Variants in CMTM8 observed in about 807,000 individuals in gnomAD.
CMTM8 encodes CKLF like MARVEL transmembrane domain containing 8.
Under a neutral mutation model 18.6 loss-of-function variants are expected in CMTM8, and 12 were observed. The observed-to-expected ratio is 0.65, with a 90% CI of 0.41 to 1.05. The LOEUF (loss-of-function observed/expected upper bound fraction) is 1.05. Among genes scored for constraint, CMTM8 ranks in the 50% least tolerant of loss-of-function variants. The pLI is 0.00. For synonymous variants in CMTM8, 87 were observed against 90.6 expected (o/e 0.96, Z 0.23); for missense variants, 217 against 227.2 (o/e 0.95, Z 0.29).
chr3:32,318,380 T>G (rs1016014757), intron 1 of CMTM8, among the ~76,000 whole-genome samples: 1 of 151,972 alleles, frequency 6.6e-6, no homozygotes, highest in African/African-American at 2.4e-5. Context: ...CAACCCACCC[T>G]TCCTCCTCTC....
intron 1 of CMTM8, among the ~76,000 whole-genome samples, chr3:32,353,074 A>T (rs899993134): frequency 6.6e-6 from 1 of 152,010 alleles, no homozygotes; most frequent in Non-Finnish European, 1.5e-5. Flanking sequence ...GCTCACTGCA[A>T]CCTCCACTTT....
chr3:32,346,449 T>C (rs754042628), intron 1 of CMTM8, among the ~76,000 whole-genome samples: 1 of 152,192 alleles, frequency 6.6e-6, no homozygotes, highest in African/African-American at 2.4e-5. Flanking sequence ...ACAACAGGAA[T>C]TTATTTCTCA....
chr3:32,328,370 C>CA (rs796201249), intron 1 of CMTM8, among the ~76,000 whole-genome samples: 4,493 of 74,370 alleles, frequency 0.06, 186 homozygotes, highest in Middle Eastern at 0.081. Flanking sequence ...ACCCTGTCTC[C>CA]AAAAAAAAAA....
intron 1 of CMTM8, among the ~76,000 whole-genome samples, chr3:32,240,537 G>A (rs1304079154): frequency 6.6e-6 from 1 of 152,142 alleles, no homozygotes; most frequent in Admixed American, 6.5e-5. Context: ...GAAGTATAAC[G>A]CCTTTGGGTT....
chr3:32,259,052 G>T, intron 1 of CMTM8: 1 of 362,450 alleles, frequency 2.8e-6, no homozygotes, highest in East Asian at 6.9e-5. Context: ...CATCTATGCA[G>T]GCGCCGGAGG....
intron 1 of CMTM8, among the ~76,000 whole-genome samples, chr3:32,326,455 C>T (rs1203483836): frequency 6.6e-6 from 1 of 152,034 alleles, no homozygotes; most frequent in East Asian, 1.9e-4. Context: ...TGCCAAATCC[C>T]AGCCTCATCC....
At chr3:32,360,616 A>C (rs1696904281) in intron 2 of CMTM8, among the ~76,000 whole-genome samples, 1 of 152,262 alleles carries the variant, frequency 6.6e-6, no homozygotes, top group Non-Finnish European at 1.5e-5. Context: ...TTCAGATGCC[A>C]GCCCAACTGT....
rs190023405 is a variant in CMTM8 at position 32,358,758 on chromosome 3, A to C, written c.321+1212A>C. Among the ~76,000 whole-genome samples, 1 of 152,354 alleles carries C rather than the reference A, an allele frequency of 6.6e-6. No homozygotes were observed. Among genetic ancestry groups the C allele is most frequent in the African/African-American group, 2.4e-5 (1 of 41,586 alleles). On this transcript the variant is annotated intron_variant, in intron 2 of 3. Coordinates refer to ENST00000307526, the MANE Select transcript of CMTM8 (RefSeq NM_178868.5). This position sits in a 1 kb window ranked among gnomAD's most constrained non-coding sequence, Gnocchi z 4.1. ...TTTTCAAGAAAGCGTTGCAAGTTTG[A>C]AAAGTAATTCCAAATAAGGTGCTTA...
chr3:32,261,735 A>G (rs1472947582), intron 1 of CMTM8, among the ~76,000 whole-genome samples: 1 of 152,170 alleles, frequency 6.6e-6, no homozygotes, highest in East Asian at 1.9e-4. Context: ...GATTTGAGGA[A>G]ACAGTTCTTA....
chr3:32,338,568 A>G (rs1006078001), intron 1 of CMTM8, among the ~76,000 whole-genome samples: 6 of 152,218 alleles, frequency 3.9e-5, no homozygotes, highest in African/African-American at 1.4e-4. Flanking sequence ...CATCTTGTGA[A>G]GGTACAAACC....
At chr3:32,241,017 G>C (rs958589741) in intron 1 of CMTM8, among the ~76,000 whole-genome samples, 1 of 152,078 alleles carries the variant, frequency 6.6e-6, no homozygotes, top group Admixed American at 6.5e-5. Context: ...GAAACTCCTA[G>C]GCTCAAGCAA....
intron 1 of CMTM8, among the ~76,000 whole-genome samples, chr3:32,352,008 T>C (rs140457720): frequency 0.081 from 12,273 of 151,480 alleles, 595 homozygotes; most frequent in East Asian, 0.18. Flanking sequence ...GAAACCCCGT[T>C]TATACTAAAA....
chr3:32,260,098 C>T (rs527926940), intron 1 of CMTM8: 39 of 1,051,594 alleles, frequency 3.7e-5, no homozygotes, highest in South Asian at 5.1e-5. Context: ...TGGAAGATGG[C>T]GAGGACTTCA....
Position 32,293,692 on chromosome 3 carries a change from A to G in CMTM8, c.147+54573A>G, listed in dbSNP as rs554143066. Among the ~76,000 whole-genome samples, 9 of 148,502 alleles carry G rather than the reference A, an allele frequency of 6.1e-5. No individual in the cohort carries two copies. In the East Asian group the frequency reaches 1.5e-3, roughly 26 times the overall value. The stretch of plus-strand genomic sequence containing the variant: ...GAAACCTCGTCTCTACTAAAAATAC[A>G]AAAATTAGCCAGGTGTAGTGGCACA... On this transcript the variant is annotated intron_variant, in intron 1 of 3. Coordinates refer to ENST00000307526, the MANE Select transcript of CMTM8 (RefSeq NM_178868.5).
At chr3:32,303,475 T>C (rs879422176) in intron 1 of CMTM8, among the ~76,000 whole-genome samples, 9 of 152,242 alleles carry the variant, frequency 5.9e-5, no homozygotes, top group Non-Finnish European at 1.0e-4. Context: ...TTTTATCTTA[T>C]GCCTCCAAAC....
chr3:32,340,962 CTG>C (rs886338011), intron 1 of CMTM8, among the ~76,000 whole-genome samples: 3 of 152,232 alleles, frequency 2.0e-5, no homozygotes, highest in Non-Finnish European at 4.4e-5. Context: ...GTGTCAAACT[CTG>C]TAATATATCA....
At chr3:32,276,102 T>A (rs1270086584) in intron 1 of CMTM8, among the ~76,000 whole-genome samples, 4 of 152,134 alleles carry the variant, frequency 2.6e-5, no homozygotes, top group Non-Finnish European at 5.9e-5. Context: ...CAATGACGGG[T>A]ACAGAGGCTT....
chr3:32,297,256 G>A (rs551194993), intron 1 of CMTM8, among the ~76,000 whole-genome samples: 4 of 152,222 alleles, frequency 2.6e-5, no homozygotes, highest in African/African-American at 9.6e-5. Flanking sequence ...TCGGCTCACT[G>A]CAACCTCCAC....
chr3:32,296,980 C>T (rs528888331), intron 1 of CMTM8, among the ~76,000 whole-genome samples: 18 of 152,174 alleles, frequency 1.2e-4, no homozygotes, highest in African/African-American at 4.3e-4. Context: ...ACTCCCTCCC[C>T]GTGTGTTTGC....
Sources: allele counts gnomAD v4.1 joint callset (sites outside exome capture counted in the v4.1 genomes callset), GRCh38; gene constraint gnomAD v4.1.1; non-coding constraint Gnocchi (gnomAD v3.1); transcripts MANE v1.5; gene names NCBI Gene and HGNC (gene_info 2026-07-23, HGNC 2026-07-21).